ZNF727: variants seen among roughly 807,000 people sequenced by gnomAD.
The protein encoded by ZNF727 is zinc finger protein 727, also known as putative zinc finger protein 727.
In ZNF727, 11 loss-of-function variants were observed where a neutral mutation model predicts 11.5. The ratio of observed to expected loss-of-function variants is 0.95; its 90% CI spans 0.60 to 1.58. The LOEUF (loss-of-function observed/expected upper bound fraction) is 1.58. Ranked by LOEUF, ZNF727 falls within the 40% of genes most tolerant of loss-of-function variation. The pLI is 0.00. For synonymous variants in ZNF727, 171 were observed against 196.1 expected (o/e 0.87, Z 1.07); for missense variants, 533 against 581.7 (o/e 0.92, Z 0.86).
intron 1 of ZNF727, among the ~76,000 whole-genome samples, chr7:64,050,903 A>G (rs1254243031): frequency 1.3e-5 from 2 of 152,084 alleles, no homozygotes; most frequent in African/African-American, 4.8e-5. Flanking sequence ...GATTTTACCC[A>G]CGTAAATAGA....
chr7:64,048,940 G>A (rs187356591), intron 1 of ZNF727, among the ~76,000 whole-genome samples: 58 of 152,258 alleles, frequency 3.8e-4, no homozygotes, highest in Non-Finnish European at 4.3e-4. Context: ...GAGAGAATTT[G>A]TCCAGTGCTG....
chr7:64,066,427 C>T (rs545799492), intron 1 of ZNF727, among the ~76,000 whole-genome samples: 46 of 152,282 alleles, frequency 3.0e-4, no homozygotes, highest in Middle Eastern at 3.4e-3. Context: ...GTAACCAAAA[C>T]AGCATGGTAC....
rs1009368174 is a variant in ZNF727, at chr7:64,069,741, C to T, written c.226+132C>T. 7.8e-5 allele frequency: 58 copies of T among 744,642 alleles called. No homozygotes were observed. The African/African-American group carries it at 9.5e-4, about 12-fold the overall frequency. 46.1% of individuals were successfully genotyped at this position (744,642 alleles called of 1,614,324 possible). A position where few individuals can be genotyped will look rare whatever the true frequency, so the allele number is the denominator to read the frequency against. The stretch of plus-strand genomic sequence containing the variant: ...GTTTCTGAGAAGCCTTCATTTCTTT[C>T]TCTTGCTTTAACATAGGGGAATTTT... On this transcript the variant is annotated intron_variant, in intron 3 of 3. Transcript: ENST00000456806.
In ZNF727 at chr7:64,082,392, G is replaced by A. The variant is rs945403700; in HGVS notation, c.*3843G>A. Reference sequence around the variant, plus strand: ...GTTTCTAGTCACCTCAGATTTTCCAGTACCTGACAACATTATCACCAGTGA... The same window carrying A: ...GTTTCTAGTCACCTCAGATTTTCCAATACCTGACAACATTATCACCAGTGA... On this transcript the variant is annotated 3_prime_UTR_variant, in exon 4 of 4. Coordinates refer to ENST00000456806, the MANE Select transcript of ZNF727 (RefSeq NM_001159522.3). Among the ~76,000 whole-genome samples the A allele has an allele frequency of 1.3e-5, 2 of 152,170 alleles. No individual in the cohort carries two copies. The highest frequency in any genetic ancestry group is 4.8e-5 in the African/African-American group (2 of 41,446).
At chr7:64,069,430 T>C (rs1789923718) in intron 2 of ZNF727, 84 bp from the exon 3 acceptor site, 2 of 1,115,434 alleles carry the variant, frequency 1.8e-6, no homozygotes, top group Non-Finnish European at 2.6e-6. Flanking sequence ...TCTATAATGT[T>C]CTCTCTTCTC....
At chr7:64,074,065 G>T (rs935848482) in intron 3 of ZNF727, among the ~76,000 whole-genome samples, 1 of 152,110 alleles carries the variant, frequency 6.6e-6, no homozygotes, top group African/African-American at 2.4e-5. Context: ...GGAAAGAAAG[G>T]TTGGGTTGGA....
At chr7:64,045,758 C>A (rs1584137499) in intron 1 of ZNF727, 134 bp downstream of exon 1, 1 of 1,139,346 alleles carries the variant, frequency 8.8e-7, no homozygotes, top group Non-Finnish European at 1.3e-6. Context: ...CAGTTCAGTC[C>A]TCACTTCCCT....
rs1381020366 is a variant in ZNF727, at chr7:64,082,381, C to G, written c.*3832C>G. Among the ~76,000 whole-genome samples, 2 of 152,158 alleles carry G rather than the reference C, an allele frequency of 1.3e-5. No homozygotes were observed. The highest frequency in any genetic ancestry group is 2.9e-5 in the Non-Finnish European group (2 of 68,038). Reference sequence around the variant, plus strand: ...TGTCCACTGCAGTTTCTAGTCACCTCAGATTTTCCAGTACCTGACAACATT... The same window carrying G: ...TGTCCACTGCAGTTTCTAGTCACCTGAGATTTTCCAGTACCTGACAACATT... On this transcript the variant is annotated 3_prime_UTR_variant, in exon 4 of 4. Transcript: ENST00000456806.
rs1785639238 is a variant in ZNF727 at position 64,075,789 on chromosome 7, C to A, written c.227-1487C>A. On this transcript the variant is annotated intron_variant, in intron 3 of 3. Coordinates refer to ENST00000456806, the MANE Select transcript of ZNF727 (RefSeq NM_001159522.3). The stretch of plus-strand genomic sequence containing the variant: ...AGCTACCTATGGGGTACTGTGCCGT[C>A]TACCTGAGTAGTAGTAGCAATATCC... 2.0e-5 allele frequency among the ~76,000 whole-genome samples: 3 copies of A among 152,052 alleles called. No homozygotes were observed. In the South Asian group the frequency reaches 6.2e-4, roughly 31 times the overall value.
At chr7:64,063,518 GT>G (rs1197148405) in intron 1 of ZNF727, among the ~76,000 whole-genome samples, 7,411 of 151,010 alleles carry the variant, frequency 0.049, 205 homozygotes, top group South Asian at 0.073. Context: ...TGGAGCTGGA[GT>G]GGGTGTAACA....
rs1462666417 is a variant in ZNF727, at chr7:64,079,464, T to C, written c.*915T>C. Among the ~76,000 whole-genome samples, 1 of 152,202 alleles carries C rather than the reference T, an allele frequency of 6.6e-6. No individual in the cohort carries two copies. Among genetic ancestry groups the C allele is most frequent in the Non-Finnish European group, 1.5e-5 (1 of 68,006 alleles). Reference sequence around the variant, plus strand: ...GCCATTTTTTGTCTTTTTAAAAAAATCTGTTGATTTAAAGTCTGTTTTGTC... The same window carrying C: ...GCCATTTTTTGTCTTTTTAAAAAAACCTGTTGATTTAAAGTCTGTTTTGTC... On this transcript the variant is annotated 3_prime_UTR_variant, in exon 4 of 4. Coordinates refer to ENST00000456806, the MANE Select transcript of ZNF727 (RefSeq NM_001159522.3).
intron 3 of ZNF727, among the ~76,000 whole-genome samples, chr7:64,073,282 A>G (rs147545527): frequency 0.011 from 1,578 of 143,430 alleles, 40 homozygotes; most frequent in East Asian, 0.081. Flanking sequence ...TACATATTCC[A>G]TGTTGATGTT....
intron 1 of ZNF727, among the ~76,000 whole-genome samples, chr7:64,054,568 T>A (rs898373655): frequency 6.6e-6 from 1 of 152,238 alleles, no homozygotes; most frequent in African/African-American, 2.4e-5. Flanking sequence ...CTCAGAAATA[T>A]TTGTTTAATG....
rs73698315 is a variant in ZNF727 at position 64,081,342 on chromosome 7, G to A, written c.*2793G>A. 0.042 allele frequency among the ~76,000 whole-genome samples: 6,336 copies of A among 152,104 alleles called. 319 individuals carry two copies. Among genetic ancestry groups the A allele is most frequent in the African/African-American group, 0.11 (4,665 of 41,470 alleles). ...CGCACAGTTTTACCACAAAGGCCAG[G>A]GTGGGGCTTTCTGGCTCTCTACCCG... is the stretch of plus-strand genomic sequence containing the variant. On this transcript the variant is annotated 3_prime_UTR_variant, in exon 4 of 4. Coordinates refer to ENST00000456806, the MANE Select transcript of ZNF727 (RefSeq NM_001159522.3).
intron 1 of ZNF727, among the ~76,000 whole-genome samples, chr7:64,061,611 C>T (rs780008838): frequency 5.3e-5 from 8 of 151,514 alleles, no homozygotes; most frequent in South Asian, 2.1e-4. Context: ...TGTTGGGTCT[C>T]GTTTTTATTT....
chr7:64,076,144 C>T (rs371984269), intron 3 of ZNF727, among the ~76,000 whole-genome samples: 27 of 152,214 alleles, frequency 1.8e-4, no homozygotes, highest in African/African-American at 6.5e-4. Context: ...ACTCTGTACA[C>T]ATTAAAACAA....
intron 2 of ZNF727, 151 bp from the exon 3 acceptor site, chr7:64,069,363 A>G (rs1164263819): frequency 5.4e-6 from 4 of 746,916 alleles, no homozygotes; most frequent in Non-Finnish European, 4.3e-6. Context: ...TTTACTTTCT[A>G]AATATTCTGA....
At chr7:64,051,625 T>G (rs1209469755) in intron 1 of ZNF727, among the ~76,000 whole-genome samples, 1 of 152,238 alleles carries the variant, frequency 6.6e-6, no homozygotes, top group Non-Finnish European at 1.5e-5. Flanking sequence ...ATTTTGAGGT[T>G]TGGTCTAAAA....
Position 64,054,413 on chromosome 7 carries a change from A to G in ZNF727, c.3+8789A>G, listed in dbSNP as rs372193209. ...TATGACCAAGGCTCCCTACAGGCAC[A>G]TAGAGGTCTCTCTCTTCTATCTTAA... On this transcript the variant is annotated intron_variant, in intron 1 of 3. Transcript: ENST00000456806. Among the ~76,000 whole-genome samples the G allele has an allele frequency of 1.6e-3, 237 of 152,318 alleles. 1 individual carries two copies. Among genetic ancestry groups the G allele is most frequent in the African/African-American group, 5.5e-3 (228 of 41,556 alleles).
Sources: gnomAD v4.1 joint callset for allele counts (sites outside exome capture counted in the v4.1 genomes callset) on GRCh38, gnomAD v4.1.1 for gene constraint, MANE v1.5 for transcripts, NCBI Gene and HGNC (gene_info 2026-07-23, HGNC 2026-07-21) for gene names.